EDIL3: variants seen among roughly 807,000 people sequenced by gnomAD.
EDIL3 encodes EGF-like repeat and discoidin I-like domain-containing protein 3.
In EDIL3, 37 loss-of-function variants were observed where a neutral mutation model predicts 67.4. The ratio of observed to expected loss-of-function variants is 0.55; its 90% CI spans 0.42 to 0.72. The LOEUF is 0.72. Among genes scored for constraint, EDIL3 ranks in the 30% least tolerant of loss-of-function variants. The probability of loss-of-function intolerance (pLI) is 0.00; values close to 1 mark genes in which losing one functional copy is unlikely to be tolerated. For synonymous variants in EDIL3, 195 were observed against 196.3 expected, an observed-to-expected ratio of 0.99 and a Z score of 0.05; for missense variants, 527 against 586.3, an observed-to-expected ratio of 0.90 and a Z score of 1.04.
intron 1 of EDIL3, among the ~76,000 whole-genome samples, chr5:84,357,000 C>T (rs146541116): frequency 0.011 from 1,546 of 143,970 alleles, 28 homozygotes; most frequent in African/African-American, 0.038. Context: ...TCTCGGCTCA[C>T]TGAAACCTCT....
At chr5:84,011,346 T>C (rs1439440167) in intron 9 of EDIL3, among the ~76,000 whole-genome samples, 4 of 152,292 alleles carry the variant, frequency 2.6e-5, no homozygotes, top group Middle Eastern at 3.4e-3. Context: ...TGTAAGTCCA[T>C]CTTTAAAATT....
chr5:84,243,206 C>A (rs550166960), intron 2 of EDIL3, among the ~76,000 whole-genome samples: 1 of 152,052 alleles, frequency 6.6e-6, no homozygotes, highest in South Asian at 2.1e-4. Context: ...ACTATCTGCC[C>A]ACACACTTCA....
intron 5 of EDIL3, among the ~76,000 whole-genome samples, chr5:84,127,698 C>T (rs1747891545): frequency 6.6e-6 from 1 of 151,988 alleles, no homozygotes; most frequent in South Asian, 2.1e-4. Flanking sequence ...TTCTGTATTC[C>T]TCTTCTGTTT....
At chr5:84,064,247 G>C (rs934756715) in intron 8 of EDIL3, among the ~76,000 whole-genome samples, 1 of 150,288 alleles carries the variant, frequency 6.7e-6, no homozygotes, top group Admixed American at 6.6e-5. Flanking sequence ...TCTTATGGTA[G>C]ACAGACAAAG....
At chr5:84,297,613 G>A (rs190191768) in intron 1 of EDIL3, among the ~76,000 whole-genome samples, 5 of 152,246 alleles carry the variant, frequency 3.3e-5, no homozygotes, top group African/African-American at 7.2e-5. Context: ...GGGGACCATC[G>A]GGAGTTTATG....
chr5:83,951,006 T>C (rs995923493), intron 10 of EDIL3, among the ~76,000 whole-genome samples: 2 of 151,796 alleles, frequency 1.3e-5, no homozygotes, highest in South Asian at 2.1e-4. Context: ...CATAAACCCT[T>C]TGAAAAATCT....
At chr5:84,156,090 G>T (rs999477687) in intron 4 of EDIL3, among the ~76,000 whole-genome samples, 1 of 152,168 alleles carries the variant, frequency 6.6e-6, no homozygotes. Context: ...TCCTCATCTT[G>T]CAAAATAAGG....
chr5:84,269,220 T>G (rs1276685885), intron 1 of EDIL3, among the ~76,000 whole-genome samples: 8 of 152,188 alleles, frequency 5.3e-5, no homozygotes, highest in Non-Finnish European at 1.2e-4. Context: ...CAAAGCCATT[T>G]CACTTTTTTC....
chr5:84,122,100 A>G (rs1747785882), intron 5 of EDIL3, among the ~76,000 whole-genome samples: 1 of 151,918 alleles, frequency 6.6e-6, no homozygotes, highest in South Asian at 2.1e-4. Context: ...ACCCATTCTC[A>G]CCTCAAGTGC....
intron 10 of EDIL3, among the ~76,000 whole-genome samples, chr5:83,953,596 A>G (rs929946000): frequency 2.0e-5 from 3 of 151,746 alleles, no homozygotes; most frequent in African/African-American, 7.3e-5. Context: ...TCTGTTCAAA[A>G]TTGATGTTGT....
rs1747982539 is a variant in EDIL3, at chr5:84,132,287, G to GTATATATTTTATATATAATATATAT, written c.469+4929_469+4953dup. On this transcript the variant is annotated intron_variant, in intron 5 of 10. Transcript: ENST00000296591. ...ATAATATATCTTTTTTTCATATATA[G>GTATATATTTTATATATAATATATAT]TATATATTTTATATATAATATATAT... 1.3e-4 allele frequency among the ~76,000 whole-genome samples: 11 copies of GTATATATTTTATATATAATATATAT among 86,102 alleles called. 2 individuals are homozygous for GTATATATTTTATATATAATATATAT. The South Asian group carries it at 3.5e-3, about 27-fold the overall frequency. The allele number at this position is 86,102 out of a possible 152,430, so 56.5% of individuals were successfully genotyped here.
At chr5:84,197,340 T>C (rs1055836048) in intron 3 of EDIL3, among the ~76,000 whole-genome samples, 2 of 151,754 alleles carry the variant, frequency 1.3e-5, no homozygotes, top group Admixed American at 6.6e-5. Flanking sequence ...AACCTCAAAG[T>C]TGAGGTTTAC....
intron 1 of EDIL3, among the ~76,000 whole-genome samples, chr5:84,264,766 T>A (rs970946133): frequency 6.6e-6 from 1 of 152,168 alleles, no homozygotes; most frequent in African/African-American, 2.4e-5. Context: ...TGTATATAAA[T>A]AATGCAGCAC....
intron 9 of EDIL3, among the ~76,000 whole-genome samples, chr5:84,046,769 G>A (rs532045889): frequency 5.6e-4 from 85 of 152,226 alleles, no homozygotes; most frequent in African/African-American, 1.9e-3. Context: ...CGCCACAAAC[G>A]AAAATTCATT....
Position 83,990,908 on chromosome 5 carries a change from A to C in EDIL3, c.1138-27548T>G, listed in dbSNP as rs542208506. On this transcript the variant is annotated intron_variant, in intron 9 of 10. Coordinates refer to ENST00000296591, the MANE Select transcript of EDIL3 (RefSeq NM_005711.5). ...AAATAAATAAATAAATAAATAAATA[A>C]ATAAATAAATAAATAAATAAAATAA... is the stretch of plus-strand genomic sequence containing the variant. Among the ~76,000 whole-genome samples the C allele has an allele frequency of 2.6e-5, 4 of 151,178 alleles. No homozygotes were observed. In the East Asian group the frequency reaches 7.8e-4, roughly 29 times the overall value.
intron 9 of EDIL3, among the ~76,000 whole-genome samples, chr5:83,967,490 G>A (rs988531101): frequency 5.3e-5 from 8 of 152,020 alleles, no homozygotes; most frequent in Non-Finnish European, 8.8e-5. Context: ...CAAGAGGGAG[G>A]ATACTTAAGG....
At chr5:84,075,113 A>G (rs1438241356) in intron 6 of EDIL3, among the ~76,000 whole-genome samples, 3 of 150,594 alleles carry the variant, frequency 2.0e-5, no homozygotes, top group African/African-American at 7.3e-5. Context: ...AAGACCAAAC[A>G]CCGCATGTTC....
rs944494562 is a variant in EDIL3, at chr5:83,943,148, C to T, written c.*271G>A. 4 of 365,540 alleles carry T rather than the reference C, an allele frequency of 1.1e-5. No individual in the cohort carries two copies. The highest frequency in any genetic ancestry group is 4.4e-5 in the Admixed American group (1 of 22,770). 22.6% of individuals were successfully genotyped at this position (365,540 alleles called of 1,614,324 possible). On this transcript the variant is annotated 3_prime_UTR_variant, in exon 11 of 11. Coordinates refer to ENST00000296591, the MANE Select transcript of EDIL3 (RefSeq NM_005711.5). Reference sequence around the variant, plus strand: ...TTTCCCTAATATATTTCTACCAATGCGAATAATTCAGGAAACAATGAGAGA... The same window carrying T: ...TTTCCCTAATATATTTCTACCAATGTGAATAATTCAGGAAACAATGAGAGA...
intron 3 of EDIL3, among the ~76,000 whole-genome samples, chr5:84,185,869 CTT>C (rs1436407916): frequency 6.6e-6 from 1 of 152,052 alleles, no homozygotes; most frequent in African/African-American, 2.4e-5. Flanking sequence ...AAAAATGTAA[CTT>C]GTATAATCTC....
Sources: allele counts gnomAD v4.1 joint callset (sites outside exome capture counted in the v4.1 genomes callset), GRCh38; gene constraint gnomAD v4.1.1; transcripts MANE v1.5; gene names NCBI Gene and HGNC (gene_info 2026-07-23, HGNC 2026-07-21).